Variants in KCND2 observed in about 807,000 individuals in gnomAD.
KCND2 encodes potassium voltage-gated channel subfamily D member 2, also known as A-type voltage-gated potassium channel KCND2.
Under a neutral mutation model 54.4 loss-of-function variants are expected in KCND2, and 16 were observed. The observed-to-expected ratio is 0.29, with a 90% CI of 0.20 to 0.45. The LOEUF (loss-of-function observed/expected upper bound fraction) is 0.45. Ranked by LOEUF, KCND2 falls within the 20% of genes least tolerant of loss-of-function variation. The pLI is 1.00. For missense variants in KCND2, 486 were observed against 824.2 expected (o/e 0.59, Z 5.02); for synonymous variants, 317 against 310.7 (o/e 1.02, Z -0.21).
chr7:120,288,985 A>G (rs1254460308), intron 1 of KCND2, among the ~76,000 whole-genome samples: 1 of 151,836 alleles, frequency 6.6e-6, no homozygotes, highest in African/African-American at 2.4e-5. Context: ...CTTCCTTAAC[A>G]GAGTATATAT....
At chr7:120,412,774 T>C (rs1271265099) in intron 1 of KCND2, among the ~76,000 whole-genome samples, 3 of 152,058 alleles carry the variant, frequency 2.0e-5, no homozygotes, top group African/African-American at 7.2e-5. Flanking sequence ...CTCAGGAAAT[T>C]TCATCAGTTT....
chr7:120,333,210 G>A lies in KCND2; in HGVS notation c.1115+57463G>A, dbSNP rs191837244. Among the ~76,000 whole-genome samples the A allele has an allele frequency of 4.6e-5, 7 of 152,174 alleles. No individual in the cohort carries two copies. The East Asian group carries it at 1.2e-3, about 25-fold the overall frequency. ...TAGGAACGAGTTATTTATAAAGGGG[G>A]TTCAAGTTATTCCTTATCTTCTTCA... On this transcript the variant is annotated intron_variant, in intron 1 of 5. Coordinates refer to ENST00000331113, the MANE Select transcript of KCND2 (RefSeq NM_012281.3).
At chr7:120,341,406 CAG>C (rs2116366237) in intron 1 of KCND2, among the ~76,000 whole-genome samples, 1 of 152,176 alleles carries the variant, frequency 6.6e-6, no homozygotes, top group African/African-American at 2.4e-5. Flanking sequence ...GTTGAAGAAA[CAG>C]TGAGTTAGAT....
intron 1 of KCND2, among the ~76,000 whole-genome samples, chr7:120,580,290 A>G (rs1479799563): frequency 6.6e-6 from 1 of 152,224 alleles, no homozygotes. Flanking sequence ...TATTAAACCT[A>G]TTTGGCTTAG....
intron 1 of KCND2, among the ~76,000 whole-genome samples, chr7:120,398,230 A>G (rs1232841100): frequency 6.6e-6 from 1 of 151,292 alleles, no homozygotes; most frequent in African/African-American, 2.4e-5. Context: ...AGAAGTGATA[A>G]TAGAAAATAA....
intron 1 of KCND2, among the ~76,000 whole-genome samples, chr7:120,728,796 G>T (rs536953038): frequency 4.8e-4 from 73 of 151,994 alleles, no homozygotes; most frequent in Non-Finnish European, 9.9e-4. Flanking sequence ...AAAACAGAAA[G>T]AATGAAATAA....
intron 1 of KCND2, among the ~76,000 whole-genome samples, chr7:120,506,075 A>C (rs936327783): frequency 2.0e-5 from 3 of 151,742 alleles, no homozygotes; most frequent in Admixed American, 1.3e-4. Context: ...AAAAAACACA[A>C]TCTTACCTTC....
intron 1 of KCND2, among the ~76,000 whole-genome samples, chr7:120,707,937 C>G (rs1792490143): frequency 6.6e-6 from 1 of 152,066 alleles, no homozygotes; most frequent in Non-Finnish European, 1.5e-5. Context: ...CAGCAAGAAA[C>G]TAGCTAGCCT....
intron 1 of KCND2, among the ~76,000 whole-genome samples, chr7:120,430,169 G>A (rs926679102): frequency 5.9e-5 from 9 of 152,254 alleles, no homozygotes; most frequent in African/African-American, 2.2e-4. Context: ...CAAGGTGCTA[G>A]CATGCTTGGT....
At chr7:120,636,947 T>C (rs1793312261) in intron 1 of KCND2, among the ~76,000 whole-genome samples, 1 of 152,116 alleles carries the variant, frequency 6.6e-6, no homozygotes, top group Non-Finnish European at 1.5e-5. Context: ...ATGGGGAAAC[T>C]GACCCTTATA....
intron 1 of KCND2, among the ~76,000 whole-genome samples, chr7:120,567,691 A>G (rs1792314926): frequency 1.3e-5 from 2 of 152,140 alleles, no homozygotes; most frequent in Admixed American, 6.6e-5. Flanking sequence ...TGACATGATA[A>G]TTATGCAGTA....
intron 1 of KCND2, among the ~76,000 whole-genome samples, chr7:120,383,143 G>A (rs367801231): frequency 3.9e-5 from 6 of 151,968 alleles, no homozygotes; most frequent in African/African-American, 1.4e-4. Flanking sequence ...AATTCTGAGT[G>A]ATATCCTACC....
intron 1 of KCND2, among the ~76,000 whole-genome samples, chr7:120,352,185 C>CTGA (rs1800419156): frequency 6.6e-6 from 1 of 152,004 alleles, no homozygotes; most frequent in Non-Finnish European, 1.5e-5. Flanking sequence ...ATCAACCCAC[C>CTGA]TCAGCCTCCC....
chr7:120,684,105 G>A (rs148357249), intron 1 of KCND2, among the ~76,000 whole-genome samples: 102 of 152,222 alleles, frequency 6.7e-4, no homozygotes, highest in South Asian at 1.9e-3. Context: ...TCACCTGAAA[G>A]CAAAAGGGAT....
At chr7:120,276,062 A>C (rs953028852) in intron 1 of KCND2, among the ~76,000 whole-genome samples, 2 of 152,194 alleles carry the variant, frequency 1.3e-5, no homozygotes, top group Admixed American at 6.5e-5. Context: ...AATGAAAAAC[A>C]AAATCTATGC....
chr7:120,383,240 C>T (rs1416375713), intron 1 of KCND2, among the ~76,000 whole-genome samples: 1 of 151,886 alleles, frequency 6.6e-6, no homozygotes, highest in African/African-American at 2.4e-5. Context: ...TTTTCATTGG[C>T]CAGATTTTCT....
intron 1 of KCND2, among the ~76,000 whole-genome samples, chr7:120,490,100 A>T (rs1228407069): frequency 1.3e-5 from 2 of 152,184 alleles, no homozygotes; most frequent in Non-Finnish European, 2.9e-5. Flanking sequence ...CTGTCTTCAT[A>T]GCAACCCTGG....
rs1419036232 is a variant in KCND2, at chr7:120,273,755, A to G, written c.-878A>G. On this transcript the variant is annotated 5_prime_UTR_variant, in exon 1 of 6. Transcript: ENST00000331113. ...TCTATGCAACTAAGCCCCGGCGCGC[A>G]CTTGGCCAGGTATGTACCGCGGGAG... 6.6e-6 allele frequency: 1 copy of G among 152,594 alleles called. No homozygotes were observed. Among genetic ancestry groups the G allele is most frequent in the African/African-American group, 2.4e-5 (1 of 41,434 alleles). The allele number at this position is 152,594 out of a possible 1,614,324, so 9.5% of individuals were successfully genotyped here. A position where few individuals can be genotyped will look rare whatever the true frequency, so the allele number is the denominator to read the frequency against.
chr7:120,341,255 T>C (rs909460110), intron 1 of KCND2, among the ~76,000 whole-genome samples: 14 of 152,126 alleles, frequency 9.2e-5, no homozygotes, highest in Non-Finnish European at 1.8e-4. Context: ...TCCAAGATAG[T>C]GGAGAGTACA....
Sources: allele counts gnomAD v4.1 joint callset (sites outside exome capture counted in the v4.1 genomes callset), GRCh38; gene constraint gnomAD v4.1.1; transcripts MANE v1.5; gene names NCBI Gene and HGNC (gene_info 2026-07-23, HGNC 2026-07-21).